The following EMC2 variants were observed in gnomAD, a reference collection of about 807,000 sequenced individuals.
EMC2 encodes TPR repeat protein 35.
Under a neutral mutation model 51.6 loss-of-function variants are expected in EMC2, and 37 were observed. That is an observed-to-expected ratio of 0.72 (90% CI 0.55 to 0.94). The LOEUF (loss-of-function observed/expected upper bound fraction) is 0.94. Among genes scored for constraint, EMC2 ranks in the 40% least tolerant of loss-of-function variants. EMC2 has a pLI of 0.00. For synonymous variants in EMC2, 131 were observed against 112.4 expected (o/e 1.17, Z -1.04); for missense variants, 359 against 350.9 (o/e 1.02, Z -0.18).
chr8:108,480,401 T>C (rs1209000989), intron 10 of EMC2, among the ~76,000 whole-genome samples: 2 of 152,142 alleles, frequency 1.3e-5, no homozygotes, highest in African/African-American at 4.8e-5. Context: ...AGCTTGGCTA[T>C]TCTATGGCCG....
chr8:108,479,151 T>C, intron 10 of EMC2, 41 bp downstream of exon 10: 1 of 1,206,724 alleles, frequency 8.3e-7, no homozygotes, highest in Admixed American at 2.3e-5. Flanking sequence ...GGTCAGTTAA[T>C]GTATTTCTTA....
intron 1 of EMC2, 117 bp downstream of exon 1, chr8:108,443,815 A>C: frequency 1.2e-6 from 1 of 860,356 alleles, no homozygotes; most frequent in Non-Finnish European, 1.9e-6. Context: ...CAGAGCCCTC[A>C]CTGTACGGGC....
At chr8:108,464,558 C>T (rs552436310) in intron 5 of EMC2, among the ~76,000 whole-genome samples, 1 of 152,316 alleles carries the variant, frequency 6.6e-6, no homozygotes, top group African/African-American at 2.4e-5. Context: ...TCTTCTGTCC[C>T]AAGTGGTTGT....
chr8:108,460,606 A>G (rs1335391578), intron 5 of EMC2, among the ~76,000 whole-genome samples: 1 of 152,160 alleles, frequency 6.6e-6, no homozygotes, highest in Non-Finnish European at 1.5e-5. Flanking sequence ...TACCTTCAGG[A>G]TATGTGTATA....
intron 5 of EMC2, among the ~76,000 whole-genome samples, chr8:108,459,440 G>T (rs1819253509): frequency 6.6e-6 from 1 of 152,166 alleles, no homozygotes; most frequent in Non-Finnish European, 1.5e-5. Flanking sequence ...ACATGGCTGG[G>T]GAGGCCTCAC....
chr8:108,461,077 T>C (rs1188376107), intron 5 of EMC2, among the ~76,000 whole-genome samples: 3 of 152,222 alleles, frequency 2.0e-5, no homozygotes. Context: ...ATGCAACAGC[T>C]AAAGTTACTC....
intron 5 of EMC2, among the ~76,000 whole-genome samples, chr8:108,467,427 CA>C (rs1209984171): frequency 1.3e-5 from 2 of 152,022 alleles, no homozygotes; most frequent in African/African-American, 4.8e-5. Context: ...CAGCTCACTG[CA>C]ACCTCCACCT....
intron 5 of EMC2, among the ~76,000 whole-genome samples, chr8:108,462,557 T>A (rs942578102): frequency 8.5e-5 from 13 of 152,294 alleles, no homozygotes; most frequent in African/African-American, 3.1e-4. Flanking sequence ...ACAAATTTCC[T>A]TCTGAAAAGG....
In EMC2 at chr8:108,486,522, G is replaced by C; in HGVS notation, c.818G>C (p.Arg273Pro). Residue 273 changes from arginine (R) to proline (P), a missense_variant, in exon 11 of 11, where the codon CGA becomes CCA. Coordinates refer to ENST00000220853, the MANE Select transcript of EMC2 (RefSeq NM_014673.5). ...QINRAYQFAGRSKKETKYSLK... is the reference protein window; with the variant it reads ...QINRAYQFAGPSKKETKYSLK... ...TTTTTTTTTAATTAGTTTGCAGGTCGAAGTAAGAAGGAAACCAAATATTCT... is the reference window on the plus strand; with the variant it reads ...TTTTTTTTTAATTAGTTTGCAGGTCCAAGTAAGAAGGAAACCAAATATTCT... 1.3e-6 allele frequency: 2 copies of C among 1,551,760 alleles called. No individual in the cohort carries two copies. Among genetic ancestry groups the C allele is most frequent in the Non-Finnish European group, 1.7e-6 (2 of 1,154,488 alleles).
intron 7 of EMC2, chr8:108,475,478 G>A (rs1010912532): frequency 2.6e-5 from 4 of 153,368 alleles, no homozygotes; most frequent in African/African-American, 7.2e-5. Flanking sequence ...TTAATAAAAT[G>A]TTTATTTTCT....
intron 5 of EMC2, among the ~76,000 whole-genome samples, chr8:108,468,506 A>G (rs897579498): frequency 6.6e-6 from 1 of 152,008 alleles, no homozygotes; most frequent in African/African-American, 2.4e-5. Context: ...ATATTATTAA[A>G]ACATCATTTT....
chr8:108,450,612 C>A, intron 3 of EMC2, 120 bp downstream of exon 3: 1 of 712,596 alleles, frequency 1.4e-6, no homozygotes, highest in Non-Finnish European at 2.6e-6. Context: ...CTACTCTGAA[C>A]AGTAAGTGGA....
Position 108,487,917 on chromosome 8 carries a change from T to C in EMC2, c.*1319T>C, listed in dbSNP as rs1811172028. On this transcript the variant is annotated 3_prime_UTR_variant, in exon 11 of 11. Transcript: ENST00000220853. ...AAGAACTCTTCTCATCTGAAGGTAA[T>C]TCTCTACTAATCTTTATTACCACAA... 2.0e-5 allele frequency among the ~76,000 whole-genome samples: 3 copies of C among 152,178 alleles called. No homozygotes were observed. Among genetic ancestry groups the C allele is most frequent in the Non-Finnish European group, 4.4e-5 (3 of 68,024 alleles).
intron 3 of EMC2, among the ~76,000 whole-genome samples, chr8:108,452,561 C>T (rs1819053559): frequency 1.3e-5 from 2 of 151,006 alleles, no homozygotes; most frequent in Admixed American, 1.3e-4. Flanking sequence ...AGCAAGACTC[C>T]ATCTCAAAAA....
At chr8:108,453,623 G>C (rs1819083665) in intron 4 of EMC2, among the ~76,000 whole-genome samples, 2 of 151,844 alleles carry the variant, frequency 1.3e-5, no homozygotes, top group Non-Finnish European at 2.9e-5. Context: ...ATATTCGGTA[G>C]TGTTTTCTAG....
At chr8:108,463,831 A>G (rs932663881) in intron 5 of EMC2, among the ~76,000 whole-genome samples, 7 of 152,048 alleles carry the variant, frequency 4.6e-5, no homozygotes, top group Admixed American at 3.9e-4. Flanking sequence ...GCTAAATCTT[A>G]TTGCTTAAAA....
At chr8:108,467,622 G>T (rs2130382836) in intron 5 of EMC2, among the ~76,000 whole-genome samples, 1 of 152,132 alleles carries the variant, frequency 6.6e-6, no homozygotes, top group East Asian at 1.9e-4. Flanking sequence ...GCCCAGGCTG[G>T]TCTCTCACTC....
chr8:108,450,641 G>T, intron 3 of EMC2, 149 bp downstream of exon 3: 1 of 611,310 alleles, frequency 1.6e-6, no homozygotes, highest in South Asian at 2.0e-5. Flanking sequence ...GATATTTTAG[G>T]ACAAAGTATC....
intron 5 of EMC2, among the ~76,000 whole-genome samples, chr8:108,456,332 CAAAA>C (rs869162246): frequency 1.3e-4 from 3 of 23,610 alleles, no homozygotes; most frequent in Admixed American, 4.8e-4. Flanking sequence ...GACTTCGTGT[CAAAA>C]AAAAAAAAAA....
Sources: gnomAD v4.1 joint callset for allele counts (sites outside exome capture counted in the v4.1 genomes callset) on GRCh38, gnomAD v4.1.1 for gene constraint, MANE v1.5 for transcripts, NCBI Gene and HGNC (gene_info 2026-07-23, HGNC 2026-07-21) for gene names.